NPSR1: variants seen among roughly 807,000 people sequenced by gnomAD.
NPSR1 encodes neuropeptide S receptor.
Under a neutral mutation model 46.9 loss-of-function variants are expected in NPSR1, and 48 were observed. The ratio of observed to expected loss-of-function variants is 1.02; its 90% CI spans 0.81 to 1.30. The LOEUF (loss-of-function observed/expected upper bound fraction) is 1.30, where lower values mean the gene tolerates loss of function less well. NPSR1 is among the 50% of genes most tolerant of loss of function. NPSR1 has a pLI of 0.00. For synonymous variants in NPSR1, 176 were observed against 168.1 expected (o/e 1.05, Z -0.36); for missense variants, 450 against 449.5 (o/e 1.00, Z -0.01).
At chr7:34,698,577 C>A (rs541060269) in intron 2 of NPSR1, among the ~76,000 whole-genome samples, 1 of 152,288 alleles carries the variant, frequency 6.6e-6, no homozygotes, top group Non-Finnish European at 1.5e-5. Flanking sequence ...GGGTGACTTT[C>A]TTACAACAAC....
intron 2 of NPSR1, among the ~76,000 whole-genome samples, chr7:34,692,993 G>T (rs1382149224): frequency 1.3e-5 from 2 of 152,146 alleles, no homozygotes; most frequent in East Asian, 1.9e-4. Flanking sequence ...CTCATTAATG[G>T]TTTAGGACCA....
chr7:34,806,063 T>G (rs185238485), intron 3 of NPSR1, among the ~76,000 whole-genome samples: 1 of 152,048 alleles, frequency 6.6e-6, no homozygotes, highest in Non-Finnish European at 1.5e-5. Flanking sequence ...TAACAGGAAC[T>G]TTCATTCATT....
chr7:34,814,489 C>T (rs1584082020), intron 4 of NPSR1, among the ~76,000 whole-genome samples: 1 of 152,256 alleles, frequency 6.6e-6, no homozygotes, highest in East Asian at 1.9e-4. Flanking sequence ...AGGCAGCAGA[C>T]AGCTTCTGCA....
chr7:34,783,025 CA>C (rs1273361554), intron 3 of NPSR1, among the ~76,000 whole-genome samples: 10 of 151,388 alleles, frequency 6.6e-5, no homozygotes, highest in African/African-American at 2.4e-4. Context: ...CAGAAATTAT[CA>C]AGTAGACAAA....
chr7:34,827,288 T>A (rs1044076726), intron 4 of NPSR1, 113 bp from the exon 5 acceptor site: 6 of 760,792 alleles, frequency 7.9e-6, no homozygotes, highest in African/African-American at 1.7e-5. Flanking sequence ...TCTGGGAGGT[T>A]CTTTGAGGTC....
At chr7:34,751,244 G>A (rs961862088) in intron 2 of NPSR1, 63 of 1,023,220 alleles carry the variant, frequency 6.2e-5, no homozygotes, top group South Asian at 5.3e-4. Context: ...AGATTAGACC[G>A]GACAATGGGA....
chr7:34,779,514 A>AT, intron 3 of NPSR1: 4 of 959,728 alleles, frequency 4.2e-6, no homozygotes, highest in South Asian at 2.6e-5. Context: ...TAAAATTTTA[A>AT]TTTTTTTCAT....
At chr7:34,827,917 C>G (rs1465195474) in intron 5 of NPSR1, among the ~76,000 whole-genome samples, 5 of 152,190 alleles carry the variant, frequency 3.3e-5, no homozygotes, top group Admixed American at 3.3e-4. Flanking sequence ...AATGATGAAA[C>G]TCAAGCTCAG....
chr7:34,679,833 AAC>A (rs1488987240), intron 1 of NPSR1, among the ~76,000 whole-genome samples: 2 of 152,176 alleles, frequency 1.3e-5, no homozygotes, highest in Non-Finnish European at 1.5e-5. Flanking sequence ...AATAATATGC[AAC>A]AGTTTTATTT....
intron 3 of NPSR1, among the ~76,000 whole-genome samples, chr7:34,802,107 G>A (rs1788449086): frequency 6.7e-6 from 1 of 150,258 alleles, no homozygotes; most frequent in South Asian, 2.1e-4. Flanking sequence ...TCATGGGTAG[G>A]AAGAATCAAT....
chr7:34,681,729 A>T lies in NPSR1; in HGVS notation c.148-2823A>T, dbSNP rs192669549. 4.6e-5 allele frequency among the ~76,000 whole-genome samples: 7 copies of T among 152,280 alleles called. No individual in the cohort carries two copies. The East Asian group carries it at 1.4e-3, about 29-fold the overall frequency. Reference sequence around the variant, plus strand: ...ACTCTAGCGTTGAAGTGCCATATTCAATGAGCACAGTTCTGGAAAGGTCTC... The same window carrying T: ...ACTCTAGCGTTGAAGTGCCATATTCTATGAGCACAGTTCTGGAAAGGTCTC... On this transcript the variant is annotated intron_variant, in intron 1 of 8. Coordinates refer to ENST00000360581, the MANE Select transcript of NPSR1 (RefSeq NM_207172.2).
chr7:34,681,818 T>TGAGAGA (rs34981870), intron 1 of NPSR1, among the ~76,000 whole-genome samples: 1 of 149,746 alleles, frequency 6.7e-6, no homozygotes, highest in Admixed American at 6.7e-5. Flanking sequence ...CTTTCAAAGC[T>TGAGAGA]GAGAGAGAGA....
chr7:34,741,612 T>A (rs1784944449), intron 2 of NPSR1, among the ~76,000 whole-genome samples: 1 of 152,090 alleles, frequency 6.6e-6, no homozygotes, highest in Non-Finnish European at 1.5e-5. Context: ...CACTTTGTAC[T>A]GATCCTTCAG....
chr7:34,719,295 A>T (rs1401043548), intron 2 of NPSR1: 1 of 152,272 alleles, frequency 6.6e-6, no homozygotes, highest in East Asian at 1.9e-4. Flanking sequence ...GTGCATGCAT[A>T]TGTGGACCGT....
chr7:34,693,802 C>A (rs1214230217), intron 2 of NPSR1, among the ~76,000 whole-genome samples: 1 of 152,116 alleles, frequency 6.6e-6, no homozygotes, highest in Non-Finnish European at 1.5e-5. Context: ...TAATACATCA[C>A]AATCAAGTGA....
At chr7:34,853,314 A>T (rs1326489836), downstream of NPSR1, among the ~76,000 whole-genome samples, 1 of 152,196 alleles carries the variant, frequency 6.6e-6, no homozygotes, top group Non-Finnish European at 1.5e-5. Flanking sequence ...TGAGCTACAG[A>T]CCTGCTGGCA....
chr7:34,805,808 A>T (rs1584062881), intron 3 of NPSR1, among the ~76,000 whole-genome samples: 2 of 152,168 alleles, frequency 1.3e-5, no homozygotes, highest in East Asian at 3.9e-4. Context: ...ATTTGTATCC[A>T]AATATGTACA....
intron 8 of NPSR1, among the ~76,000 whole-genome samples, chr7:34,873,862 G>T (rs190704404): frequency 1.3e-5 from 2 of 151,540 alleles, no homozygotes; most frequent in Admixed American, 6.6e-5. Flanking sequence ...AAGACAAGAC[G>T]GCAGGAAGCA....
intron 8 of NPSR1, among the ~76,000 whole-genome samples, chr7:34,876,445 TG>T (rs1207403926): frequency 6.6e-6 from 1 of 152,188 alleles, no homozygotes; most frequent in Non-Finnish European, 1.5e-5. Context: ...ACACATAAAC[TG>T]TGAATTCTAA....
Sources: allele counts gnomAD v4.1 joint callset (sites outside exome capture counted in the v4.1 genomes callset), GRCh38; gene constraint gnomAD v4.1.1; transcripts MANE v1.5; gene names NCBI Gene and HGNC (gene_info 2026-07-23, HGNC 2026-07-21).